CEP76: variants seen among roughly 807,000 people sequenced by gnomAD.
CEP76 encodes the protein centrosomal protein 76.
In CEP76, 55 loss-of-function variants were observed where a neutral mutation model predicts 83.3. The ratio of observed to expected loss-of-function variants is 0.66; its 90% CI spans 0.53 to 0.83. CEP76 has a LOEUF of 0.83. Ranked by LOEUF, CEP76 falls within the 40% of genes least tolerant of loss-of-function variation. The probability of loss-of-function intolerance (pLI) is 0.00; values close to 1 mark genes in which losing one functional copy is unlikely to be tolerated. For missense variants in CEP76, 694 were observed against 799.5 expected (o/e 0.87, Z 1.59); for synonymous variants, 270 against 274.5 (o/e 0.98, Z 0.16).
chr18:12,694,905 C>T (rs1393932882), intron 6 of CEP76, among the ~76,000 whole-genome samples: 1 of 151,130 alleles, frequency 6.6e-6, no homozygotes, highest in Admixed American at 6.6e-5. Flanking sequence ...TTAGTAGAGG[C>T]GGGGTTTCAC....
chr18:12,688,916 C>T (rs1056777279), intron 7 of CEP76, among the ~76,000 whole-genome samples: 2 of 152,018 alleles, frequency 1.3e-5, no homozygotes, highest in African/African-American at 4.8e-5. Flanking sequence ...AGATCGAGAC[C>T]ATCCTGGCTA....
intron 8 of CEP76, chr18:12,684,513 T>C (rs1244901691): frequency 6.6e-6 from 1 of 150,850 alleles, no homozygotes; most frequent in Non-Finnish European, 1.5e-5. Context: ...GGAGTTTTGC[T>C]CTTATTGCCC....
downstream of CEP76, among the ~76,000 whole-genome samples, chr18:12,670,229 C>G (rs2038909000): frequency 6.6e-6 from 1 of 151,686 alleles, no homozygotes; most frequent in African/African-American, 2.4e-5. Context: ...ACTTGGGAGG[C>G]TGAGGCAGGA....
At chr18:12,695,025 T>C (rs565634524) in intron 6 of CEP76, among the ~76,000 whole-genome samples, 2 of 152,310 alleles carry the variant, frequency 1.3e-5, no homozygotes, top group Non-Finnish European at 2.9e-5. Flanking sequence ...GTAATTCTTA[T>C]GCTGTCTCAA....
intron 12 of CEP76, among the ~76,000 whole-genome samples, chr18:12,665,931 G>A (rs375541824): frequency 1.1e-4 from 16 of 152,182 alleles, no homozygotes; most frequent in Admixed American, 7.2e-4. Context: ...GCCTGACCCC[G>A]TGATCTGCCC....
rs937966871 is a variant in CEP76 at position 12,678,189 on chromosome 18, A to C, written c.1543T>G (p.Cys515Gly). 6.2e-7 allele frequency: 1 copy of C among 1,614,190 alleles called. No homozygotes were observed. The highest frequency in any genetic ancestry group is 8.5e-7 in the Non-Finnish European group (1 of 1,180,030). Residue 515 changes from cysteine to glycine, a missense_variant, in exon 10 of 12, where the codon TGT becomes GGT. Cys to Gly is a radical substitution (Grantham distance 159). Transcript: ENST00000262127. ...ACTGACGCGTCAATTGTGGATGCAC[A>C]CAGAGGTGGAAAGGGAGGAAGGGAT... ...TTSLPPFPPL[C>G]ASTIDASVTS...
At position 12,674,765 on chromosome 18, in the gene CEP76, C is replaced by A; in HGVS notation, c.1624-12G>T. 6.4e-7 allele frequency: 1 copy of A among 1,558,852 alleles called. No homozygotes were observed. Among genetic ancestry groups the A allele is most frequent in the Non-Finnish European group, 8.7e-7 (1 of 1,148,936 alleles). ...GTGAGGCCAAGATCCTATGAGCAAT[C>A]AAGAGAAAAAGAAAAAGTGAAATAC... On this transcript the variant is annotated splice_polypyrimidine_tract_variant and intron_variant, in intron 10 of 11. Coordinates refer to ENST00000262127, the MANE Select transcript of CEP76 (RefSeq NM_024899.4).
At chr18:12,700,002 A>G in intron 2 of CEP76, 97 bp from the exon 3 acceptor site, 1 of 687,160 alleles carries the variant, frequency 1.5e-6, no homozygotes, top group Non-Finnish European at 2.4e-6. Flanking sequence ...CCTAAAGTCA[A>G]CAGGGTAAGG....
At chr18:12,662,756 G>A (rs1411474843) in intron 12 of CEP76, among the ~76,000 whole-genome samples, 2 of 152,168 alleles carry the variant, frequency 1.3e-5, no homozygotes, top group African/African-American at 2.4e-5. Context: ...CAGCCTGGGC[G>A]ATAGAGTGAG....
chr18:12,676,827 G>A (rs2039151768), intron 10 of CEP76, among the ~76,000 whole-genome samples: 1 of 152,138 alleles, frequency 6.6e-6, no homozygotes, highest in African/African-American at 2.4e-5. Flanking sequence ...CCAAAGCTAA[G>A]AGTAACTGGG....
At chr18:12,673,816 G>C (rs986919998) in intron 11 of CEP76, among the ~76,000 whole-genome samples, 6 of 152,164 alleles carry the variant, frequency 3.9e-5, no homozygotes, top group Non-Finnish European at 1.5e-5. Context: ...AGGAGGCAGA[G>C]GTTGCAGTGA....
chr18:12,702,645 A>G lies in CEP76; in HGVS notation c.-97T>C. On this transcript the variant is annotated 5_prime_UTR_variant, in exon 1 of 12. Transcript: ENST00000262127. ...AGGGAGCGTTAGGAGCGACTGGAGC[A>G]CAAAGCGCCGCAGCCGTTCGCCTAG... 1 of 1,375,318 alleles carries G rather than the reference A, an allele frequency of 7.3e-7. No homozygotes were observed. The highest frequency in any genetic ancestry group is 2.3e-4 in the Middle Eastern group (1 of 4,426). 85.2% of individuals were successfully genotyped at this position (1,375,318 alleles called of 1,614,324 possible).
In CEP76 at chr18:12,665,797, A is replaced by T. The variant is rs560807122; in HGVS notation, c.*1728-3628T>A. On this transcript the variant is annotated intron_variant and NMD_transcript_variant, in intron 12 of 12. Coordinates refer to the CEP76 transcript ENST00000590143. ...ACTGCAACCTCTGCCTCCCAGGCTCATGCAGTTCTCCTGCCTCAGCCTCCC... is the reference window on the plus strand; with the variant it reads ...ACTGCAACCTCTGCCTCCCAGGCTCTTGCAGTTCTCCTGCCTCAGCCTCCC... Among the ~76,000 whole-genome samples, 8 of 152,294 alleles carry T rather than the reference A, an allele frequency of 5.3e-5. No individual in the cohort carries two copies. The East Asian group carries it at 1.3e-3, about 26-fold the overall frequency.
intron 6 of CEP76, among the ~76,000 whole-genome samples, chr18:12,693,656 A>G (rs2051262): frequency 0.39 from 59,434 of 151,692 alleles, 12,041 homozygotes; most frequent in Non-Finnish European, 0.45. Context: ...GGTGGCACCC[A>G]CCTGTAGTCC....
exon 13 of CEP76, chr18:12,662,057 T>C: frequency 2.8e-6 from 1 of 352,736 alleles, no homozygotes; most frequent in Non-Finnish European, 5.7e-6. Flanking sequence ...TCATGCTTCA[T>C]ACTCTGGAGG....
chr18:12,664,097 G>A (rs1448746310), intron 12 of CEP76, among the ~76,000 whole-genome samples: 2 of 152,148 alleles, frequency 1.3e-5, no homozygotes, highest in African/African-American at 4.8e-5. Flanking sequence ...CCGGAGGGGC[G>A]GTGGTTGCGG....
intron 4 of CEP76, among the ~76,000 whole-genome samples, chr18:12,698,097 GAAA>G (rs1034862654): frequency 1.3e-5 from 2 of 149,762 alleles, no homozygotes; most frequent in Admixed American, 1.3e-4. Flanking sequence ...GGAGAAATAA[GAAA>G]AAAAAGAAAA....
chr18:12,701,338 A>G (rs1311423050), intron 1 of CEP76, among the ~76,000 whole-genome samples: 2 of 152,170 alleles, frequency 1.3e-5, no homozygotes, highest in East Asian at 3.9e-4. Context: ...AACAACACTC[A>G]ACCAAAAGGA....
chr18:12,669,722 G>A (rs902283662), downstream of CEP76, among the ~76,000 whole-genome samples: 3 of 151,990 alleles, frequency 2.0e-5, no homozygotes, highest in Non-Finnish European at 2.9e-5. Flanking sequence ...AAAAATTGGC[G>A]AGGCATGGTG....
Sources: allele counts gnomAD v4.1 joint callset (sites outside exome capture counted in the v4.1 genomes callset), GRCh38; gene constraint gnomAD v4.1.1; transcripts MANE v1.5; gene names NCBI Gene and HGNC (gene_info 2026-07-23, HGNC 2026-07-21).